The following MAP7 variants were observed in gnomAD, a reference collection of about 807,000 sequenced individuals.
MAP7 encodes ensconsin.
Under a neutral mutation model 94.8 loss-of-function variants are expected in MAP7, and 52 were observed. The ratio of observed to expected loss-of-function variants is 0.55; its 90% CI spans 0.44 to 0.69. The LOEUF is 0.69. Ranked by LOEUF, MAP7 falls within the 30% of genes least tolerant of loss-of-function variation. The probability of loss-of-function intolerance (pLI) is 0.00; values close to 1 mark genes in which losing one functional copy is unlikely to be tolerated. For synonymous variants in MAP7, 350 were observed against 357.0 expected (o/e 0.98, Z 0.22); for missense variants, 940 against 964.6 (o/e 0.97, Z 0.34).
chr6:136,444,333 T>C (rs1798711749), intron 1 of MAP7, among the ~76,000 whole-genome samples: 1 of 152,238 alleles, frequency 6.6e-6, no homozygotes, highest in Non-Finnish European at 1.5e-5. Flanking sequence ...TACTTGAATC[T>C]GATGTACACC....
intron 1 of MAP7, among the ~76,000 whole-genome samples, chr6:136,509,875 T>A (rs1403945592): frequency 6.6e-6 from 1 of 152,162 alleles, no homozygotes; most frequent in East Asian, 1.9e-4. Context: ...ATTTAAAACA[T>A]CCTCAATATT....
intron 6 of MAP7, 95 bp from the exon 7 acceptor site, chr6:136,377,963 T>G: frequency 1.2e-6 from 1 of 838,280 alleles, no homozygotes; most frequent in Non-Finnish European, 1.9e-6. Flanking sequence ...ACGCTGGGCC[T>G]TCACAGGACC....
chr6:136,374,799 A>G (rs1037968299), intron 7 of MAP7, among the ~76,000 whole-genome samples: 2 of 152,174 alleles, frequency 1.3e-5, no homozygotes, highest in Non-Finnish European at 2.9e-5. Flanking sequence ...AAATAAACCT[A>G]AGTTTCTTGT....
chr6:136,469,481 A>T (rs1040483974), intron 1 of MAP7, among the ~76,000 whole-genome samples: 5 of 151,952 alleles, frequency 3.3e-5, no homozygotes, highest in African/African-American at 1.2e-4. Context: ...TCCTGGACTC[A>T]AGTGATCCTC....
intron 16 of MAP7, among the ~76,000 whole-genome samples, chr6:136,350,693 AAT>A (rs796259931): frequency 2.7e-4 from 41 of 152,252 alleles, no homozygotes; most frequent in African/African-American, 9.6e-4. Flanking sequence ...TCTCTATAAA[AAT>A]ATATATGTTT....
chr6:136,481,529 G>A (rs1182739364), intron 1 of MAP7, among the ~76,000 whole-genome samples: 1 of 152,206 alleles, frequency 6.6e-6, no homozygotes, highest in African/African-American at 2.4e-5. Context: ...CAGACTTTGT[G>A]TGTTCTCATT....
At chr6:136,525,764 G>A (rs1704273262) in intron 1 of MAP7, 4 of 1,468,942 alleles carry the variant, frequency 2.7e-6, no homozygotes, top group South Asian at 2.7e-5. Flanking sequence ...TTTATAAAAC[G>A]TTCTATAGGC....
chr6:136,489,382 A>G (rs574948916), intron 1 of MAP7, among the ~76,000 whole-genome samples: 1 of 152,250 alleles, frequency 6.6e-6, no homozygotes, highest in South Asian at 2.1e-4. Context: ...TATCCCGAAC[A>G]TTAATGATTC....
rs562324636 is a variant in MAP7, at chr6:136,518,938, G to C, written c.67+31404C>G. Among the ~76,000 whole-genome samples the C allele has an allele frequency of 9.2e-5, 14 of 152,226 alleles. No individual in the cohort carries two copies. In the South Asian group the frequency reaches 2.5e-3, roughly 27 times the overall value. ...CTGGAAACAGGCACACAATTTTTCA[G>C]CCTTTTAGTTTTATATAGCAAGCAA... On this transcript the variant is annotated intron_variant, in intron 1 of 17. Coordinates refer to ENST00000354570, the MANE Select transcript of MAP7 (RefSeq NM_003980.6).
intron 1 of MAP7, among the ~76,000 whole-genome samples, chr6:136,459,840 A>G (rs1023736689): frequency 1.3e-5 from 2 of 152,180 alleles, no homozygotes; most frequent in Non-Finnish European, 2.9e-5. Flanking sequence ...CATGATGCCT[A>G]TGGTTAATGA....
intron 5 of MAP7, 36 bp downstream of exon 5, chr6:136,388,357 A>T (rs745652883): frequency 1.6e-5 from 24 of 1,496,768 alleles, no homozygotes; most frequent in Non-Finnish European, 2.0e-5. Flanking sequence ...ACTTTCAGGA[A>T]AATAAAGACT....
At position 136,413,880 on chromosome 6, in the gene MAP7, G is replaced by A. The variant is rs1287752184; in HGVS notation, c.167-2183C>T. 2.0e-5 allele frequency among the ~76,000 whole-genome samples: 3 copies of A among 152,124 alleles called. No individual in the cohort carries two copies. In the East Asian group the frequency reaches 5.8e-4, roughly 29 times the overall value. ...TGTACATTTAAAGAAAATAAAAACA[G>A]TAAAGACGCCCCTTAGGAGCCTGCA... is the stretch of plus-strand genomic sequence containing the variant. On this transcript the variant is annotated intron_variant, in intron 2 of 17. Coordinates refer to ENST00000354570, the MANE Select transcript of MAP7 (RefSeq NM_003980.6).
intron 1 of MAP7, among the ~76,000 whole-genome samples, chr6:136,530,134 TACCTAAA>T (rs1828358327): frequency 6.6e-6 from 1 of 152,204 alleles, no homozygotes; most frequent in Non-Finnish European, 1.5e-5. Context: ...GTGAGAAACA[TACCTAAA>T]ATTTCCCTTT....
intron 1 of MAP7, chr6:136,526,337 C>G: frequency 1.0e-6 from 1 of 1,003,852 alleles, no homozygotes; most frequent in Non-Finnish European, 1.2e-6. Context: ...CACGCAGGGT[C>G]TGATGCCTCC....
rs539121253 is a variant in MAP7 at position 136,356,853 on chromosome 6, C to A, written c.1913-59G>T. On this transcript the variant is annotated intron_variant, in intron 15 of 17. Coordinates refer to ENST00000354570, the MANE Select transcript of MAP7 (RefSeq NM_003980.6). The stretch of plus-strand genomic sequence containing the variant: ...ACTAATATTCTTTTCTTAGACCTAA[C>A]CTCCAAGAGCCAGAATGCCTTGATT... 3.5e-4 allele frequency: 466 copies of A among 1,339,954 alleles called. 1 individual carries two copies. Among genetic ancestry groups the A allele is most frequent in the Non-Finnish European group, 4.8e-4 (452 of 939,396 alleles). 83.0% of individuals were successfully genotyped at this position (1,339,954 alleles called of 1,614,324 possible).
At chr6:136,402,905 CAAAAAAAAAAAAAAAAAA>C (rs57114676) in intron 3 of MAP7, among the ~76,000 whole-genome samples, 3 of 67,392 alleles carry the variant, frequency 4.5e-5, no homozygotes, top group East Asian at 5.6e-4. Flanking sequence ...GACTCTGTCT[CAAAAAAAAAAAAAAAAAA>C]AAAAAAAAAA....
intron 1 of MAP7, among the ~76,000 whole-genome samples, chr6:136,449,916 C>T (rs980825295): frequency 2.2e-4 from 34 of 152,142 alleles, no homozygotes; most frequent in African/African-American, 7.5e-4. Flanking sequence ...GGCACGGTGG[C>T]GGTGGCTCAT....
chr6:136,361,058 C>T lies in MAP7; in HGVS notation c.1648G>A (p.Ala550Thr). ...REKEEQLQRQAEERALREREE... is the reference protein window; with the variant it reads ...REKEEQLQRQTEERALREREE... ...CGCTCGCGCAGCGCCCGCTCCTCCG[C>T]CTGCCGCTGCAGCTGCTCCTCCTTC... Residue 550 changes from alanine (A) to threonine (T), a missense_variant, in exon 12 of 18, where the codon GCG (alanine) becomes ACG (threonine). Physicochemically the swap from Ala to Thr is moderately conservative, Grantham distance 58. Transcript: ENST00000354570. 1.3e-6 allele frequency: 2 copies of T among 1,596,526 alleles called. No individual in the cohort carries two copies. Among genetic ancestry groups the T allele is most frequent in the South Asian group, 1.1e-5 (1 of 90,350 alleles).
intron 1 of MAP7, among the ~76,000 whole-genome samples, chr6:136,537,622 G>A (rs1444521029): frequency 6.6e-6 from 1 of 152,070 alleles, no homozygotes; most frequent in African/African-American, 2.4e-5. Context: ...TATTTTTACT[G>A]AATAACACAT....
Sources: allele counts gnomAD v4.1 joint callset (sites outside exome capture counted in the v4.1 genomes callset), GRCh38; gene constraint gnomAD v4.1.1; transcripts MANE v1.5; gene names NCBI Gene and HGNC (gene_info 2026-07-23, HGNC 2026-07-21).